LIMK2: variants seen among roughly 807,000 people sequenced by gnomAD.
The protein encoded by LIMK2 is LIM domain kinase 2.
In LIMK2, 35 loss-of-function variants were observed where a neutral mutation model predicts 75.7. The ratio of observed to expected loss-of-function variants is 0.46; its 90% CI spans 0.35 to 0.61. LIMK2 has a LOEUF of 0.61. Ranked by LOEUF, LIMK2 falls within the 20% of genes least tolerant of loss-of-function variation. The pLI is 0.00. For synonymous variants in LIMK2, 301 were observed against 319.2 expected (o/e 0.94, Z 0.61); for missense variants, 623 against 831.0 (o/e 0.75, Z 3.08).
intron 1 of LIMK2, 75 bp downstream of exon 1, chr22:31,212,499 C>A: frequency 7.7e-7 from 1 of 1,297,970 alleles, no homozygotes; most frequent in Non-Finnish European, 9.9e-7. Flanking sequence ...GGGAAACCGG[C>A]TGTCTCTCGG....
chr22:31,215,403 A>G (rs2048381503), intron 1 of LIMK2, among the ~76,000 whole-genome samples: 1 of 152,208 alleles, frequency 6.6e-6, no homozygotes, highest in Non-Finnish European at 1.5e-5. Flanking sequence ...GGCAGGACCA[A>G]GTTTTACCTC....
rs751273863 is a variant in LIMK2 at position 31,262,767 on chromosome 22, G to A, written c.830G>A (p.Gly277Glu). 1.2e-6 allele frequency: 2 copies of A among 1,611,586 alleles called. No individual in the cohort carries two copies. ...STLDTKENLE[G>E]TLRRRSLRRS... is the part of the protein sequence containing the mutation. Reference sequence around the variant, plus strand: ...CTGGACACCAAGGAGAATCTGGAGGGGACACTGAGGAGACGTTCCCTAAGG... The same window carrying A: ...CTGGACACCAAGGAGAATCTGGAGGAGACACTGAGGAGACGTTCCCTAAGG... Residue 277 changes from glycine to glutamate, a missense_variant, in exon 7 of 16, where the codon GGG (glycine) becomes GAG (glutamate). By Grantham distance (98) the Gly-to-Glu change is moderately conservative. Coordinates refer to ENST00000331728, the MANE Select transcript of LIMK2 (RefSeq NM_005569.4). This position sits in a 1 kb window ranked among gnomAD's most constrained non-coding sequence, Gnocchi z 5.0.
At chr22:31,277,284 C>T (rs893018275) in intron 15 of LIMK2, 28 of 1,480,978 alleles carry the variant, frequency 1.9e-5, no homozygotes, top group Non-Finnish European at 2.4e-5. Context: ...GGGGTCTCTT[C>T]CCCTGCCCCC....
rs1383920166 is a variant in LIMK2 at position 31,267,580 on chromosome 22, G to GT, written c.1129-195dup. ...CAGTTCTCCCAATGCAGTTCCAAGG[G>GT]TAAGGCCTATGAAGCCATCTCCATC... On this transcript the variant is annotated intron_variant, in intron 9 of 15. Coordinates refer to ENST00000331728, the MANE Select transcript of LIMK2 (RefSeq NM_005569.4). Among the ~76,000 whole-genome samples, 3 of 152,314 alleles carry GT rather than the reference G, an allele frequency of 2.0e-5. No individual in the cohort carries two copies. The South Asian group carries it at 6.2e-4, about 32-fold the overall frequency.
chr22:31,274,433 C>T (rs2048991514), intron 14 of LIMK2, among the ~76,000 whole-genome samples: 1 of 152,140 alleles, frequency 6.6e-6, no homozygotes, highest in South Asian at 2.1e-4. Flanking sequence ...TGGAGTTTCA[C>T]TCTGTCACCC....
chr22:31,250,567 G>C (rs925378014), intron 2 of LIMK2, among the ~76,000 whole-genome samples: 1 of 127,560 alleles, frequency 7.8e-6, no homozygotes, highest in Non-Finnish European at 1.7e-5. Flanking sequence ...ACTGACTTTC[G>C]TAGACATTCT....
chr22:31,260,330 G>A (rs142441136), intron 5 of LIMK2, among the ~76,000 whole-genome samples: 340 of 152,334 alleles, frequency 2.2e-3, no homozygotes, highest in African/African-American at 8.0e-3. Flanking sequence ...GGTCATGTTT[G>A]CTCTTTGAAA....
chr22:31,238,882 C>T (rs568396353), intron 2 of LIMK2, among the ~76,000 whole-genome samples: 2 of 152,090 alleles, frequency 1.3e-5, no homozygotes, highest in African/African-American at 2.4e-5. Context: ...TTGAGATATC[C>T]GAAGCATTTT....
At chr22:31,220,557 G>T (rs1019927663) in intron 1 of LIMK2, among the ~76,000 whole-genome samples, 2 of 152,188 alleles carry the variant, frequency 1.3e-5, no homozygotes, top group African/African-American at 4.8e-5. Flanking sequence ...GACTGAAGGA[G>T]AGAGAAACAT....
At chr22:31,239,071 A>G (rs1009994123) in intron 2 of LIMK2, among the ~76,000 whole-genome samples, 2 of 152,240 alleles carry the variant, frequency 1.3e-5, no homozygotes, top group African/African-American at 4.8e-5. Flanking sequence ...TTAAAATGAC[A>G]AGGCAGTAGA....
chr22:31,251,362 G>A (rs1297594635), intron 2 of LIMK2, among the ~76,000 whole-genome samples: 1 of 152,178 alleles, frequency 6.6e-6, no homozygotes, highest in East Asian at 1.9e-4. Context: ...ACTCTGCCCA[G>A]CTTCACAGTA....
chr22:31,223,212 C>T (rs1364796529), intron 1 of LIMK2, among the ~76,000 whole-genome samples: 3 of 152,126 alleles, frequency 2.0e-5, no homozygotes, highest in Admixed American at 6.5e-5. Context: ...GTCTTGATTT[C>T]GGGTCTTTCA....
intron 2 of LIMK2, among the ~76,000 whole-genome samples, chr22:31,237,508 G>A (rs2048589217): frequency 6.6e-6 from 1 of 151,476 alleles, no homozygotes; most frequent in South Asian, 2.1e-4. Flanking sequence ...AGGTTGCAGT[G>A]TGCTGAGATC....
intron 2 of LIMK2, among the ~76,000 whole-genome samples, chr22:31,256,312 A>G (rs1327824923): frequency 1.3e-5 from 2 of 150,370 alleles, no homozygotes; most frequent in Non-Finnish European, 3.0e-5. Flanking sequence ...TAGGACTTTT[A>G]TATAAGCTAT....
chr22:31,221,073 G>A (rs1485521888), intron 1 of LIMK2, among the ~76,000 whole-genome samples: 1 of 152,134 alleles, frequency 6.6e-6, no homozygotes, highest in Non-Finnish European at 1.5e-5. Flanking sequence ...AAAAGTGGCA[G>A]GAATAGAAAA....
intron 5 of LIMK2, among the ~76,000 whole-genome samples, chr22:31,260,708 T>C (rs888589798): frequency 1.3e-5 from 2 of 152,218 alleles, no homozygotes; most frequent in African/African-American, 4.8e-5. Flanking sequence ...AGGTGAAAGA[T>C]ACTAGAGTTT....
rs1308032109 is a variant in LIMK2, at chr22:31,264,620, T to C, written c.855-1326T>C. On this transcript the variant is annotated intron_variant, in intron 7 of 15. Transcript: ENST00000331728. ...GACAGGTACAAAGATGTGCAAAATA[T>C]CATCCAAAATCCCATTTGCTGGCCA... is the stretch of plus-strand genomic sequence containing the variant. Among the ~76,000 whole-genome samples the C allele has an allele frequency of 3.3e-5, 5 of 152,324 alleles. No homozygotes were observed. In the East Asian group the frequency reaches 5.8e-4, roughly 18 times the overall value.
chr22:31,254,273 G>A (rs1568994115), intron 2 of LIMK2, among the ~76,000 whole-genome samples: 2 of 152,240 alleles, frequency 1.3e-5, no homozygotes, highest in African/African-American at 2.4e-5. Context: ...CCCATGCCCT[G>A]CGGCGCACAT....
chr22:31,250,446 C>T (rs1438791548), intron 2 of LIMK2, among the ~76,000 whole-genome samples: 1 of 152,160 alleles, frequency 6.6e-6, no homozygotes, highest in African/African-American at 2.4e-5. Flanking sequence ...ACTAATGCCA[C>T]CCAAGTCCAC....
Sources: gnomAD v4.1 joint callset for allele counts (sites outside exome capture counted in the v4.1 genomes callset) on GRCh38, gnomAD v4.1.1 for gene constraint, Gnocchi (gnomAD v3.1) non-coding constraint, MANE v1.5 for transcripts, NCBI Gene and HGNC (gene_info 2026-07-23, HGNC 2026-07-21) for gene names.